The following MS4A4A variants were observed in gnomAD, a reference collection of about 807,000 sequenced individuals.
MS4A4A encodes membrane spanning 4-domains A4A.
MS4A4A carries 26 observed loss-of-function variants against 28.0 expected under a neutral mutation model. The observed-to-expected ratio is 0.93, with a 90% CI of 0.68 to 1.29. The LOEUF (loss-of-function observed/expected upper bound fraction) is 1.29, where lower values mean the gene tolerates loss of function less well. Ranked by LOEUF, MS4A4A falls within the 50% of genes most tolerant of loss-of-function variation. The pLI is 0.00. For missense variants in MS4A4A, 290 were observed against 293.1 expected (o/e 0.99, Z 0.08); for synonymous variants, 86 against 100.8 (o/e 0.85, Z 0.88).
chr11:60,285,606 G>C lies in MS4A4A; in HGVS notation c.41+4890G>C, dbSNP rs1000766053. Among the ~76,000 whole-genome samples the C allele has an allele frequency of 2.0e-5, 3 of 152,278 alleles. No individual in the cohort carries two copies. The East Asian group carries it at 5.8e-4, about 29-fold the overall frequency. On this transcript the variant is annotated intron_variant, in intron 1 of 6. Transcript: ENST00000337908. ...GAGTACAAAAGAGAGAAATTTTACA[G>C]CTAGGCCTCCGGGGGTGACATCACA...
intron 6 of MS4A4A, 113 bp downstream of exon 6, chr11:60,306,314 A>G: frequency 3.3e-6 from 3 of 897,966 alleles, no homozygotes; most frequent in Admixed American, 2.2e-5. Flanking sequence ...CTCAGTTTCC[A>G]TGGTTCAAGA....
intron 1 of MS4A4A, among the ~76,000 whole-genome samples, chr11:60,289,845 C>T (rs1310569523): frequency 6.6e-6 from 1 of 152,084 alleles, no homozygotes; most frequent in African/African-American, 2.4e-5. Context: ...TGTTATTTAA[C>T]ACATTGGCCA....
At chr11:60,293,548 A>G (rs922457622) in intron 2 of MS4A4A, among the ~76,000 whole-genome samples, 19 of 152,150 alleles carry the variant, frequency 1.2e-4, no homozygotes, top group African/African-American at 4.3e-4. Context: ...ACAAATCACA[A>G]TGGGGTTCAT....
chr11:60,297,135 G>T, intron 2 of MS4A4A, 62 bp from the exon 3 acceptor site: 1 of 1,594,930 alleles, frequency 6.3e-7, no homozygotes, highest in South Asian at 1.1e-5. Flanking sequence ...ATTGGAAAGG[G>T]GGTGGCGGAA....
chr11:60,295,498 C>T (rs1010965681), intron 2 of MS4A4A, among the ~76,000 whole-genome samples: 2 of 151,974 alleles, frequency 1.3e-5, no homozygotes, highest in African/African-American at 2.4e-5. Flanking sequence ...TCTTGTCTTA[C>T]TGTTTCTGCT....
chr11:60,301,175 G>A (rs2084950268), intron 4 of MS4A4A, 118 bp downstream of exon 4: 1 of 781,954 alleles, frequency 1.3e-6, no homozygotes, highest in Non-Finnish European at 1.9e-6. Context: ...GAGCGATTGT[G>A]CATTTTACCT....
intron 1 of MS4A4A, among the ~76,000 whole-genome samples, chr11:60,287,079 C>G (rs187571961): frequency 6.6e-6 from 1 of 152,096 alleles, no homozygotes; most frequent in Non-Finnish European, 1.5e-5. Context: ...CATAAAACCA[C>G]GTAGTTTTAT....
intron 1 of MS4A4A, among the ~76,000 whole-genome samples, chr11:60,291,565 C>T (rs2084855831): frequency 6.6e-6 from 1 of 151,814 alleles, no homozygotes; most frequent in Non-Finnish European, 1.5e-5. Flanking sequence ...TTTGGGAGGC[C>T]GAGGCGGGCG....
chr11:60,281,644 T>A (rs531169550), intron 1 of MS4A4A, among the ~76,000 whole-genome samples: 72 of 152,194 alleles, frequency 4.7e-4, no homozygotes, highest in African/African-American at 1.5e-3. Flanking sequence ...TTTGTACCAC[T>A]CTCCTCATGC....
chr11:60,305,967 A>G (rs1231715284), intron 5 of MS4A4A, 133 bp from the exon 6 acceptor site: 5 of 652,942 alleles, frequency 7.7e-6, no homozygotes, highest in African/African-American at 1.8e-5. Flanking sequence ...GGTCAAGGGT[A>G]TGGCTGCCAT....
intron 6 of MS4A4A, 89 bp downstream of exon 6, chr11:60,306,290 C>A: frequency 9.7e-7 from 1 of 1,027,022 alleles, no homozygotes. Flanking sequence ...TAACACAGAA[C>A]ACATTCATTA....
chr11:60,294,964 C>CTTCTTCTTCT (rs2084893592), intron 2 of MS4A4A, among the ~76,000 whole-genome samples: 1 of 81,674 alleles, frequency 1.2e-5, no homozygotes, highest in Admixed American at 1.3e-4. Context: ...ATTGTGTTTG[C>CTTCTTCTTCT]TATTCTGAGT....
intron 5 of MS4A4A, among the ~76,000 whole-genome samples, chr11:60,303,630 G>A (rs992121154): frequency 6.6e-6 from 1 of 152,068 alleles, no homozygotes. Flanking sequence ...ATTGCTTGAA[G>A]CTGGGAGGCG....
chr11:60,286,329 C>T (rs774589851), intron 1 of MS4A4A, among the ~76,000 whole-genome samples: 4 of 151,888 alleles, frequency 2.6e-5, no homozygotes, highest in South Asian at 4.2e-4. Context: ...ACGAAGATGA[C>T]GGGATTAAGA....
Position 60,286,706 on chromosome 11 carries a change from C to T in MS4A4A, c.42-5519C>T, listed in dbSNP as rs530070855. On this transcript the variant is annotated intron_variant, in intron 1 of 6. Transcript: ENST00000337908. ...CATGATCTAAGTACAGGTAATTATT[C>T]TCTTTAGGCTAGTCTTTGCATGGAA... 9.8e-5 allele frequency among the ~76,000 whole-genome samples: 15 copies of T among 152,300 alleles called. 1 individual carries two copies. Among genetic ancestry groups the T allele is most frequent in the African/African-American group, 3.6e-4 (15 of 41,574 alleles).
chr11:60,297,100 G>A, intron 2 of MS4A4A, 97 bp from the exon 3 acceptor site: 1 of 1,430,014 alleles, frequency 7.0e-7, no homozygotes, highest in Non-Finnish European at 9.7e-7. Flanking sequence ...ACTATCAAAT[G>A]AAGGAGAATA....
At chr11:60,289,705 CTTTTAATT>C in intron 1 of MS4A4A, among the ~76,000 whole-genome samples, 1 of 151,380 alleles carries the variant, frequency 6.6e-6, no homozygotes, top group Non-Finnish European at 1.5e-5. Context: ...TATTGTAGAC[CTTTTAATT>C]CTACACTTCT....
rs77872485 is a variant in MS4A4A at position 60,289,734 on chromosome 11, C to A, written c.42-2491C>A. On this transcript the variant is annotated intron_variant, in intron 1 of 6. Coordinates refer to ENST00000337908, the MANE Select transcript of MS4A4A (RefSeq NM_148975.3). ...TAATTCTACACTTCTAATCTTTTAACCTCCCTTCTATTATGACCATTTTCT... is the reference window on the plus strand; with the variant it reads ...TAATTCTACACTTCTAATCTTTTAAACTCCCTTCTATTATGACCATTTTCT... Among the ~76,000 whole-genome samples the A allele has an allele frequency of 1.8e-4, 27 of 151,072 alleles. No homozygotes were observed. The East Asian group carries it at 4.9e-3, about 27-fold the overall frequency.
At position 60,283,663 on chromosome 11, in the gene MS4A4A, A is replaced by C. The variant is rs183105551; in HGVS notation, c.41+2947A>C. Among the ~76,000 whole-genome samples the C allele has an allele frequency of 6.8e-3, 1,037 of 152,312 alleles. 6 individuals carry two copies. The highest frequency in any genetic ancestry group is 9.3e-3 in the Non-Finnish European group (634 of 68,016). On this transcript the variant is annotated intron_variant, in intron 1 of 6. Coordinates refer to ENST00000337908, the MANE Select transcript of MS4A4A (RefSeq NM_148975.3). Reference sequence around the variant, plus strand: ...TCTGGGACAAGTAGGTAAATTGTCAATTTATGGGCTTTATTAGAATGACTT... The same window carrying C: ...TCTGGGACAAGTAGGTAAATTGTCACTTTATGGGCTTTATTAGAATGACTT...
Sources: allele counts gnomAD v4.1 joint callset (sites outside exome capture counted in the v4.1 genomes callset), GRCh38; gene constraint gnomAD v4.1.1; transcripts MANE v1.5; gene names NCBI Gene and HGNC (gene_info 2026-07-23, HGNC 2026-07-21).